Variants in LRRC38 observed in about 807,000 individuals in gnomAD.
The protein encoded by LRRC38 is leucine-rich repeat-containing protein 38.
Under a neutral mutation model 16.4 loss-of-function variants are expected in LRRC38, and 5 were observed. The ratio of observed to expected loss-of-function variants is 0.31; its 90% CI spans 0.16 to 0.64. LRRC38 has a LOEUF of 0.64. Among genes scored for constraint, LRRC38 ranks in the 30% least tolerant of loss-of-function variants. The pLI is 0.80. For synonymous variants in LRRC38, 191 were observed against 190.2 expected (o/e 1.00, Z -0.04); for missense variants, 341 against 401.8 (o/e 0.85, Z 1.29).
chr1:13,499,658 G>A (rs549984772), intron 1 of LRRC38, among the ~76,000 whole-genome samples: 4 of 152,302 alleles, frequency 2.6e-5, no homozygotes, highest in African/African-American at 7.2e-5. Flanking sequence ...AACAGGGATA[G>A]TGCGGTACCC....
chr1:13,476,245 T>C, intron 1 of LRRC38, 146 bp from the exon 2 acceptor site: 1 of 778,800 alleles, frequency 1.3e-6, no homozygotes, highest in Non-Finnish European at 2.0e-6. Context: ...TTAAATGGAA[T>C]TTAAACTTGA....
In LRRC38 at chr1:13,504,755, AGGGG is replaced by A. The variant is rs1229975093; in HGVS notation, c.631+8204_631+8207del. On this transcript the variant is annotated intron_variant, in intron 1 of 1. Transcript: ENST00000376085. Reference sequence around the variant, plus strand: ...AGGGGAGGGGAAGGGAGGGGAGGGGAGGGGAGGGGAAGGGAGGGAAGGGGAGAGG... The same window carrying A: ...AGGGGAGGGGAAGGGAGGGGAGGGGAAGGGGAAGGGAGGGAAGGGGAGAGG... Among the ~76,000 whole-genome samples, 43 of 29,720 alleles carry A rather than the reference AGGGG, an allele frequency of 1.4e-3. 1 individual carries two copies. The highest frequency in any genetic ancestry group is 6.8e-3 in the East Asian group (4 of 586). The allele number at this position is 29,720 out of a possible 152,430, so 19.5% of individuals were successfully genotyped here.
chr1:13,476,139 C>A (rs1404789203), intron 1 of LRRC38, 40 bp from the exon 2 acceptor site: 3 of 1,541,804 alleles, frequency 1.9e-6, no homozygotes, highest in Admixed American at 3.9e-5. Context: ...ATTTAGACTG[C>A]AGCTCAAGGT....
chr1:13,485,941 TTC>T (rs775256502), intron 1 of LRRC38, among the ~76,000 whole-genome samples: 4 of 152,106 alleles, frequency 2.6e-5, no homozygotes, highest in Non-Finnish European at 4.4e-5. Context: ...TGGTGGTTCT[TTC>T]TTTTTTTGAG....
intron 1 of LRRC38, among the ~76,000 whole-genome samples, chr1:13,512,311 G>C (rs966548034): frequency 1.8e-4 from 28 of 152,132 alleles, no homozygotes; most frequent in African/African-American, 6.8e-4. Flanking sequence ...TGCCCACGCC[G>C]CCATTGGAAG....
chr1:13,507,704 C>A (rs570950779), intron 1 of LRRC38, among the ~76,000 whole-genome samples: 1 of 151,954 alleles, frequency 6.6e-6, no homozygotes, highest in Non-Finnish European at 1.5e-5. Flanking sequence ...TGGTGGCAGG[C>A]GCCTATAATC....
rs114299538 is a variant in LRRC38 at position 13,488,854 on chromosome 1, C to T, written c.632-12755G>A. 3.5e-3 allele frequency among the ~76,000 whole-genome samples: 539 copies of T among 152,172 alleles called. 5 individuals are homozygous for T. The highest frequency in any genetic ancestry group is 0.012 in the African/African-American group (507 of 41,488). ...AAGTCTTCCCAAGGTGAGAGGCCGT[C>T]GTGCGAAGGGGGGATTGGAGAGAAG... is the stretch of plus-strand genomic sequence containing the variant. On this transcript the variant is annotated intron_variant, in intron 1 of 1. Transcript: ENST00000376085.
At chr1:13,493,470 C>T (rs1639042365) in intron 1 of LRRC38, among the ~76,000 whole-genome samples, 1 of 152,202 alleles carries the variant, frequency 6.6e-6, no homozygotes, top group Non-Finnish European at 1.5e-5. Flanking sequence ...TCCAGGCCGA[C>T]CCCCTAAATC....
chr1:13,483,606 T>C (rs1638894685), intron 1 of LRRC38, among the ~76,000 whole-genome samples: 1 of 152,002 alleles, frequency 6.6e-6, no homozygotes, highest in Admixed American at 6.5e-5. Context: ...TGCCCTGAAA[T>C]ACAGAATGAA....
intron 1 of LRRC38, among the ~76,000 whole-genome samples, chr1:13,511,187 T>C (rs754936210): frequency 4.6e-5 from 7 of 152,192 alleles, no homozygotes; most frequent in Non-Finnish European, 1.5e-5. Flanking sequence ...AACATTTCAC[T>C]TCCATTGCTC....
chr1:13,507,439 G>A (rs1639226519), intron 1 of LRRC38, among the ~76,000 whole-genome samples: 1 of 152,206 alleles, frequency 6.6e-6, no homozygotes, highest in African/African-American at 2.4e-5. Flanking sequence ...CACACAAAAT[G>A]TTCACTCGAC....
chr1:13,477,293 G>A (rs1638800912), intron 1 of LRRC38, among the ~76,000 whole-genome samples: 1 of 152,178 alleles, frequency 6.6e-6, no homozygotes, highest in Non-Finnish European at 1.5e-5. Context: ...TATTTGCCAT[G>A]TACAAGGCCC....
chr1:13,499,773 T>C (rs111277129), intron 1 of LRRC38, among the ~76,000 whole-genome samples: 1,910 of 152,270 alleles, frequency 0.013, 38 homozygotes, highest in African/African-American at 0.043. Context: ...GGACTGGAGC[T>C]GTGTGCAGGC....
intron 1 of LRRC38, among the ~76,000 whole-genome samples, chr1:13,478,491 C>T (rs534033441): frequency 6.6e-6 from 1 of 152,310 alleles, no homozygotes; most frequent in East Asian, 1.9e-4. Context: ...GCCCTTTTCC[C>T]AGTGAGAATA....
rs1638783175 is a variant in LRRC38 at position 13,475,984 on chromosome 1, G to A, written c.747C>T (p.Cys249=). 6 of 1,550,608 alleles carry A rather than the reference G, an allele frequency of 3.9e-6. No homozygotes were observed. Among genetic ancestry groups the A allele is most frequent in the Non-Finnish European group, 5.2e-6 (6 of 1,147,004 alleles). The change falls in exon 2 of 2, where the codon TGC becomes TGT. Residue 249 remains cysteine (C), a synonymous_variant. Transcript: ENST00000376085. This position sits in a 1 kb window ranked among gnomAD's most constrained non-coding sequence, Gnocchi z 4.3. ...CRFSLSLTDL[C]IIIFSGVAVS... is the part of the protein sequence containing the mutation. ...CGGCCACACCGGAGAAAATGATGAT[G>A]CAGAGGTCTGTGAGTGACAGGCTGA...
At chr1:13,505,573 G>T (rs1023270721) in intron 1 of LRRC38, among the ~76,000 whole-genome samples, 1 of 152,190 alleles carries the variant, frequency 6.6e-6, no homozygotes, top group South Asian at 2.1e-4. Flanking sequence ...CGCAGGGTGC[G>T]GCTGACAGCA....
chr1:13,506,744 C>T (rs1367360062), intron 1 of LRRC38, among the ~76,000 whole-genome samples: 1 of 152,226 alleles, frequency 6.6e-6, no homozygotes, highest in Non-Finnish European at 1.5e-5. Context: ...CAGGCCTGAG[C>T]CACCACGCCT....
chr1:13,478,059 T>TA (rs1303476100), intron 1 of LRRC38, among the ~76,000 whole-genome samples: 2 of 152,212 alleles, frequency 1.3e-5, no homozygotes, highest in Non-Finnish European at 2.9e-5. Flanking sequence ...ACAGAGCTGC[T>TA]AAAGACTGTT....
chr1:13,488,282 T>G (rs954587960), intron 1 of LRRC38, among the ~76,000 whole-genome samples: 3 of 138,342 alleles, frequency 2.2e-5, no homozygotes, highest in African/African-American at 8.6e-5. Context: ...TTTTTTTTTT[T>G]GTCTGAGACA....
Sources: allele counts gnomAD v4.1 joint callset (sites outside exome capture counted in the v4.1 genomes callset), GRCh38; gene constraint gnomAD v4.1.1; non-coding constraint Gnocchi (gnomAD v3.1); transcripts MANE v1.5; gene names NCBI Gene and HGNC (gene_info 2026-07-23, HGNC 2026-07-21).